Variants in TYW1B observed in about 807,000 individuals in gnomAD.
TYW1B encodes S-adenosyl-L-methionine-dependent tRNA 4-demethylwyosine synthase TYW1B.
In TYW1B, 73 loss-of-function variants were observed where a neutral mutation model predicts 86.9. That is an observed-to-expected ratio of 0.84 (90% confidence interval 0.70 to 1.02). The LOEUF is 1.02. Among genes scored for constraint, TYW1B ranks in the 50% least tolerant of loss-of-function variants. The probability of loss-of-function intolerance (pLI) is 0.00; values close to 1 mark genes in which losing one functional copy is unlikely to be tolerated. For missense variants in TYW1B, 637 were observed against 827.4 expected, an observed-to-expected ratio of 0.77 and a Z score of 2.82; for synonymous variants, 248 against 292.8, an observed-to-expected ratio of 0.85 and a Z score of 1.56.
At chr7:72,582,075 ATTTTT>A (rs35167805) in intron 13 of TYW1B, among the ~76,000 whole-genome samples, 3 of 146,054 alleles carry the variant, frequency 2.1e-5, no homozygotes, top group African/African-American at 5.0e-5. Context: ...GGCAAAAAAG[ATTTTT>A]TTTTTTTTTT....
intron 7 of TYW1B, among the ~76,000 whole-genome samples, chr7:72,745,009 T>C (rs1437178158): frequency 3.9e-5 from 6 of 152,180 alleles, no homozygotes; most frequent in Non-Finnish European, 7.3e-5. Context: ...AGGGAATGCA[T>C]CCTGGAGTGT....
intron 9 of TYW1B, among the ~76,000 whole-genome samples, chr7:72,726,961 A>G (rs1554458827): frequency 6.6e-6 from 1 of 152,162 alleles, no homozygotes. Context: ...AGAGCCCCTC[A>G]TAAAACCATC....
At chr7:72,624,784 G>A (rs1185541905) in intron 12 of TYW1B, among the ~76,000 whole-genome samples, 8 of 152,132 alleles carry the variant, frequency 5.3e-5, no homozygotes, top group Non-Finnish European at 7.3e-5. Context: ...TAAGCCAGGC[G>A]TGGTGGCTCA....
At chr7:72,720,129 G>T (rs1162701472) in intron 9 of TYW1B, among the ~76,000 whole-genome samples, 16 of 152,132 alleles carry the variant, frequency 1.1e-4, no homozygotes, top group African/African-American at 3.9e-4. Context: ...TACTTTCAAG[G>T]TATCATCAAG....
chr7:72,632,697 T>C (rs1812571163), intron 11 of TYW1B, among the ~76,000 whole-genome samples: 1 of 149,664 alleles, frequency 6.7e-6, no homozygotes, highest in Non-Finnish European at 1.5e-5. Flanking sequence ...ATAAAAATAA[T>C]AGCAGGAGTT....
intron 7 of TYW1B, among the ~76,000 whole-genome samples, chr7:72,756,867 T>C (rs1195923346): frequency 1.3e-5 from 2 of 152,040 alleles, no homozygotes; most frequent in East Asian, 3.9e-4. Context: ...TATACAAACA[T>C]CCAATTTGCA....
chr7:72,662,635 C>T (rs1262807438), intron 11 of TYW1B, among the ~76,000 whole-genome samples: 1 of 152,086 alleles, frequency 6.6e-6, no homozygotes, highest in African/African-American at 2.4e-5. Context: ...ATTTTTCCCC[C>T]CAGTGTGTGG....
At chr7:72,796,947 G>A (rs1788315646) in intron 6 of TYW1B, among the ~76,000 whole-genome samples, 1 of 140,836 alleles carries the variant, frequency 7.1e-6, no homozygotes, top group African/African-American at 2.6e-5. Flanking sequence ...GGGATTACAG[G>A]CACGTACCAC....
intron 11 of TYW1B, among the ~76,000 whole-genome samples, chr7:72,682,865 T>C (rs1203527003): frequency 2.7e-4 from 41 of 152,146 alleles, no homozygotes; most frequent in Non-Finnish European, 4.4e-5. Flanking sequence ...TGGACAAGTC[T>C]GACACATAAA....
intron 11 of TYW1B, among the ~76,000 whole-genome samples, chr7:72,679,036 A>G (rs1164164057): frequency 1.3e-5 from 2 of 152,160 alleles, no homozygotes; most frequent in Non-Finnish European, 2.9e-5. Context: ...CAGGAGGTTG[A>G]GACTGCAGTG....
rs199508373 is a variant in TYW1B, at chr7:72,673,757, C to T, written c.1506+20930G>A. Among the ~76,000 whole-genome samples, 556 of 151,450 alleles carry T rather than the reference C, an allele frequency of 3.7e-3. 18 individuals carry two copies. The East Asian group carries it at 0.088, about 24-fold the overall frequency. ...TTAAAAGTGACTAAAGGAGTATAAT[C>T]GGATTGTTTGTAACACAAAGGATAA... On this transcript the variant is annotated intron_variant, in intron 11 of 13. Transcript: ENST00000620995.
At chr7:72,711,041 A>G (rs1319536637) in intron 10 of TYW1B, among the ~76,000 whole-genome samples, 3 of 152,090 alleles carry the variant, frequency 2.0e-5, no homozygotes, top group Non-Finnish European at 4.4e-5. Flanking sequence ...GCAGCCAGAA[A>G]CAGCAGACAG....
At chr7:72,713,162 A>G (rs1381023819) in intron 10 of TYW1B, among the ~76,000 whole-genome samples, 1 of 151,602 alleles carries the variant, frequency 6.6e-6, no homozygotes, top group African/African-American at 2.4e-5. Context: ...TTAGCTGGGC[A>G]TGGTGCCAGG....
chr7:72,597,558 C>T (rs1184636124), intron 13 of TYW1B, among the ~76,000 whole-genome samples: 5 of 151,896 alleles, frequency 3.3e-5, no homozygotes, highest in South Asian at 4.2e-4. Context: ...AGACACACCT[C>T]GTCTATGGCG....
At position 72,654,624 on chromosome 7, in the gene TYW1B, T is replaced by C. The variant is rs1554443354; in HGVS notation, c.1507-25627A>G. ...GGCCGGGCACGGTGGCTCACGCCTG[T>C]AATCCCAGTACTTTGGGAGGTTGAG... On this transcript the variant is annotated intron_variant, in intron 11 of 13. Coordinates refer to ENST00000620995, the MANE Select transcript of TYW1B (RefSeq NM_001145440.3). 2.6e-5 allele frequency among the ~76,000 whole-genome samples: 4 copies of C among 152,366 alleles called. No individual in the cohort carries two copies. In the East Asian group the frequency reaches 7.7e-4, roughly 29 times the overall value.
chr7:72,597,672 C>G (rs1811570109), intron 13 of TYW1B, among the ~76,000 whole-genome samples: 1 of 152,276 alleles, frequency 6.6e-6, no homozygotes, highest in East Asian at 1.9e-4. Context: ...GATAGGATTA[C>G]AGATTTGAAA....
chr7:72,748,243 T>G (rs1554464231), intron 7 of TYW1B, among the ~76,000 whole-genome samples: 1 of 152,020 alleles, frequency 6.6e-6, no homozygotes, highest in African/African-American at 2.4e-5. Context: ...CACTCCAGCC[T>G]GGGTGACAGA....
chr7:72,770,819 A>G (rs1458969987), intron 7 of TYW1B, among the ~76,000 whole-genome samples: 31 of 152,158 alleles, frequency 2.0e-4, no homozygotes, highest in African/African-American at 7.5e-4. Flanking sequence ...ATGGCATACT[A>G]CTGAGCAATA....
At chr7:72,593,560 G>C (rs150026537) in intron 13 of TYW1B, among the ~76,000 whole-genome samples, 57 of 151,798 alleles carry the variant, frequency 3.8e-4, no homozygotes, top group South Asian at 3.3e-3. Flanking sequence ...TGGTTGCTCA[G>C]GCCTGTAATC....
Sources: gnomAD v4.1 joint callset for allele counts (sites outside exome capture counted in the v4.1 genomes callset) on GRCh38, gnomAD v4.1.1 for gene constraint, MANE v1.5 for transcripts, NCBI Gene and HGNC (gene_info 2026-07-23, HGNC 2026-07-21) for gene names.